Variants in MEIKIN observed in about 807,000 individuals in gnomAD.
MEIKIN encodes meiotic kinetochore factor, also known as meiosis-specific kinetochore protein.
intron 4 of MEIKIN, among the ~76,000 whole-genome samples, chr5:131,940,910 G>T (rs940031336): frequency 6.6e-6 from 1 of 152,026 alleles, no homozygotes. Context: ...TAGCAATATG[G>T]AGTTACTTCA....
rs532484785 is a variant in MEIKIN at position 131,822,223 on chromosome 5, TC to T, written c.976-3361del. Among the ~76,000 whole-genome samples the T allele has an allele frequency of 3.1e-3, 477 of 152,304 alleles. 3 individuals are homozygous for T. Among genetic ancestry groups the T allele is most frequent in the African/African-American group, 0.011 (455 of 41,564 alleles). On this transcript the variant is annotated intron_variant, in intron 11 of 12. Transcript: ENST00000442687. ...GGCAACAGATCATTGGGTCTTGTTT[TC>T]TTTTTTTTAATCCATTCAGCCACTC...
chr5:131,819,599 T>A (rs1462854812), intron 11 of MEIKIN, among the ~76,000 whole-genome samples: 424 of 24,036 alleles, frequency 0.018, 1 homozygote, highest in Middle Eastern at 0.088. Context: ...AGAAACTTCC[T>A]TTTTTTTTTT....
chr5:131,887,814 T>C (rs556187376), intron 8 of MEIKIN, among the ~76,000 whole-genome samples: 59 of 145,368 alleles, frequency 4.1e-4, no homozygotes, highest in African/African-American at 9.5e-4. Flanking sequence ...CCCATTAACT[T>C]GTCATTTAGC....
intron 8 of MEIKIN, among the ~76,000 whole-genome samples, chr5:131,885,255 A>G (rs1750760608): frequency 6.6e-6 from 1 of 151,676 alleles, no homozygotes; most frequent in African/African-American, 2.4e-5. Flanking sequence ...TTTAGTTCTG[A>G]CCAAGCACAG....
intron 6 of MEIKIN, among the ~76,000 whole-genome samples, chr5:131,920,517 T>A (rs796666222): frequency 3.3e-5 from 5 of 152,288 alleles, no homozygotes; most frequent in African/African-American, 1.2e-4. Flanking sequence ...TAATCTTTAA[T>A]TGGAGAAATT....
At chr5:131,827,016 GT>G (rs1396770986) in intron 11 of MEIKIN, among the ~76,000 whole-genome samples, 3 of 152,118 alleles carry the variant, frequency 2.0e-5, no homozygotes, top group Non-Finnish European at 4.4e-5. Flanking sequence ...ATTTTTAAGA[GT>G]TTCACTGTGT....
At chr5:131,903,233 T>C (rs1580899611) in intron 8 of MEIKIN, among the ~76,000 whole-genome samples, 1 of 152,168 alleles carries the variant, frequency 6.6e-6, no homozygotes, top group South Asian at 2.1e-4. Context: ...CATTTCAAGA[T>C]ATCATCCATG....
intron 8 of MEIKIN, among the ~76,000 whole-genome samples, chr5:131,888,662 C>T (rs1750846430): frequency 6.6e-6 from 1 of 152,066 alleles, no homozygotes; most frequent in Non-Finnish European, 1.5e-5. Flanking sequence ...CTGTAGGTTG[C>T]CTGGTCACTC....
intron 8 of MEIKIN, among the ~76,000 whole-genome samples, chr5:131,885,365 G>A (rs4566783): frequency 0.45 from 21,110 of 47,090 alleles, 1,359 homozygotes; most frequent in African/African-American, 0.53. Context: ...GAGAGAGAGA[G>A]AGAGAGAGAG....
At chr5:131,929,337 T>A (rs1276457075) in intron 5 of MEIKIN, among the ~76,000 whole-genome samples, 1 of 152,154 alleles carries the variant, frequency 6.6e-6, no homozygotes, top group African/African-American at 2.4e-5. Context: ...GTCCATTTCA[T>A]TCCCCAGATT....
chr5:131,924,363 G>T (rs1480708644), intron 5 of MEIKIN, among the ~76,000 whole-genome samples: 1 of 152,094 alleles, frequency 6.6e-6, no homozygotes, highest in Admixed American at 6.6e-5. Context: ...GGACCACATG[G>T]TCATTCTGTC....
intron 12 of MEIKIN, among the ~76,000 whole-genome samples, chr5:131,817,433 A>G (rs1164497721): frequency 1.3e-5 from 2 of 151,976 alleles, no homozygotes; most frequent in Non-Finnish European, 2.9e-5. Flanking sequence ...AACACGATGA[A>G]ACCCCATCTC....
At chr5:131,871,617 A>T (rs567229525) in intron 9 of MEIKIN, among the ~76,000 whole-genome samples, 1 of 152,222 alleles carries the variant, frequency 6.6e-6, no homozygotes. Flanking sequence ...CTGCAGACTT[A>T]AATGTCCCTG....
At chr5:131,856,734 G>A (rs1162703384) in intron 9 of MEIKIN, among the ~76,000 whole-genome samples, 3 of 152,006 alleles carry the variant, frequency 2.0e-5, no homozygotes, top group South Asian at 4.1e-4. Flanking sequence ...ACATCAGCTT[G>A]TATGCAGCTG....
chr5:131,922,650 T>C (rs1751524390), intron 5 of MEIKIN, among the ~76,000 whole-genome samples: 1 of 152,138 alleles, frequency 6.6e-6, no homozygotes, highest in Admixed American at 6.5e-5. Context: ...AGTTTTAAGC[T>C]TTCTAGTGAC....
intron 12 of MEIKIN, among the ~76,000 whole-genome samples, chr5:131,808,633 C>T (rs1054717759): frequency 2.6e-5 from 4 of 152,170 alleles, no homozygotes; most frequent in African/African-American, 9.7e-5. Flanking sequence ...GGCCTGAGCA[C>T]CACATTTTGA....
chr5:131,885,172 C>T (rs899101629), intron 8 of MEIKIN, among the ~76,000 whole-genome samples: 1 of 152,044 alleles, frequency 6.6e-6, no homozygotes, highest in Non-Finnish European at 1.5e-5. Context: ...AGCCTTAGGG[C>T]CTTGAGAAAA....
intron 9 of MEIKIN, among the ~76,000 whole-genome samples, chr5:131,855,540 G>A (rs570662858): frequency 5.9e-5 from 9 of 151,822 alleles, no homozygotes; most frequent in African/African-American, 2.2e-4. Context: ...AGAGAGGGAG[G>A]AAGGGAGAAG....
chr5:131,870,507 T>TA (rs1298592758), intron 9 of MEIKIN, among the ~76,000 whole-genome samples: 1 of 151,490 alleles, frequency 6.6e-6, no homozygotes, highest in Non-Finnish European at 1.5e-5. Context: ...TTCCACGACT[T>TA]AAAAAAAAAT....
Sources: gnomAD v4.1 joint callset for allele counts (sites outside exome capture counted in the v4.1 genomes callset) on GRCh38, gnomAD v4.1.1 for gene constraint, MANE v1.5 for transcripts, NCBI Gene and HGNC (gene_info 2026-07-23, HGNC 2026-07-21) for gene names.